CNIH3: variants seen among roughly 807,000 people sequenced by gnomAD.
CNIH3 encodes the protein protein cornichon homolog 3.
CNIH3 carries 14 observed loss-of-function variants against 24.1 expected under a neutral mutation model. That is an observed-to-expected ratio of 0.58 (90% confidence interval 0.38 to 0.91). CNIH3 has a LOEUF of 0.91. Ranked by LOEUF, CNIH3 falls within the 40% of genes least tolerant of loss-of-function variation. The probability of loss-of-function intolerance (pLI) is 0.00; values close to 1 mark genes in which losing one functional copy is unlikely to be tolerated. For missense variants in CNIH3, 178 were observed against 196.8 expected (o/e 0.90, Z 0.57); for synonymous variants, 68 against 73.8 (o/e 0.92, Z 0.40).
chr1:224,708,596 A>G (rs1687952483), intron 3 of CNIH3, among the ~76,000 whole-genome samples: 3 of 152,138 alleles, frequency 2.0e-5, no homozygotes, highest in Non-Finnish European at 1.5e-5. Flanking sequence ...GAAGGTCACC[A>G]ATGACGTCCC....
chr1:224,577,172 A>G (rs893388389), intron 4 of CNIH3, among the ~76,000 whole-genome samples: 1 of 152,222 alleles, frequency 6.6e-6, no homozygotes, highest in African/African-American at 2.4e-5. Context: ...TCATGAACCC[A>G]AAAGCAAATG....
chr1:224,547,006 G>A, intron 3 of CNIH3: 1 of 644,108 alleles, frequency 1.6e-6, no homozygotes, highest in Non-Finnish European at 1.9e-6. Flanking sequence ...GTAGTGGTAA[G>A]ATGGGTGAGT....
chr1:224,663,252 G>A (rs61674651), intron 1 of CNIH3, among the ~76,000 whole-genome samples: 3,166 of 152,162 alleles, frequency 0.021, 91 homozygotes, highest in African/African-American at 0.07. Flanking sequence ...GGGTATGGCC[G>A]TAGACTTTCC....
At chr1:224,706,958 C>CTT (rs71170031) in intron 3 of CNIH3, among the ~76,000 whole-genome samples, 474 of 81,576 alleles carry the variant, frequency 5.8e-3, no homozygotes, top group Middle Eastern at 9.6e-3. Flanking sequence ...TCCTTTCTTT[C>CTT]TTTTTTTTTT....
chr1:224,715,356 C>G (rs937152291), intron 3 of CNIH3, among the ~76,000 whole-genome samples: 3 of 152,054 alleles, frequency 2.0e-5, no homozygotes, highest in Non-Finnish European at 2.9e-5. Context: ...GGTTGGTGAC[C>G]GCAAGGACTG....
intron 4 of CNIH3, among the ~76,000 whole-genome samples, chr1:224,576,311 T>TA (rs1303961604): frequency 1.3e-5 from 2 of 152,194 alleles, no homozygotes; most frequent in Admixed American, 6.5e-5. Flanking sequence ...TAGTTCCTTT[T>TA]AAAAAAAGTT....
Position 224,626,818 on chromosome 1 carries a change from T to C in CNIH3, c.81+9563T>C, listed in dbSNP as rs534817867. ...CTTTATTGCACCGTAGATATGTCTA[T>C]TTATTCTTTCTACAAGCAGAGCCTT... On this transcript the variant is annotated intron_variant, in intron 1 of 5. Transcript: ENST00000272133. Among the ~76,000 whole-genome samples, 3 of 152,308 alleles carry C rather than the reference T, an allele frequency of 2.0e-5. No homozygotes were observed. In the South Asian group the frequency reaches 6.2e-4, roughly 32 times the overall value.
At chr1:224,732,389 A>G (rs1689384457) in intron 4 of CNIH3, among the ~76,000 whole-genome samples, 2 of 152,230 alleles carry the variant, frequency 1.3e-5, no homozygotes, top group Admixed American at 6.5e-5. Context: ...GAGAAGCCTC[A>G]CTTTAAGTAA....
chr1:224,588,426 G>A (rs1681601695), exon 6 of CNIH3: 1 of 152,158 alleles, frequency 6.6e-6, no homozygotes, highest in South Asian at 2.1e-4. Flanking sequence ...AGCTCATGGA[G>A]CAAGGAGGAC....
intron 3 of CNIH3, among the ~76,000 whole-genome samples, chr1:224,559,449 T>C (rs1338876830): frequency 6.6e-6 from 1 of 152,178 alleles, no homozygotes; most frequent in Non-Finnish European, 1.5e-5. Flanking sequence ...ATTGTAACCC[T>C]GTACTCATGG....
chr1:224,679,548 G>A (rs1301880897), intron 1 of CNIH3, among the ~76,000 whole-genome samples: 2 of 152,188 alleles, frequency 1.3e-5, no homozygotes, highest in African/African-American at 2.4e-5. Flanking sequence ...AGTGGAATGA[G>A]CATCTTCAGT....
Position 224,444,035 on chromosome 1 carries a change from T to C in CNIH3, n.203+9173T>C, listed in dbSNP as rs75899194. Among the ~76,000 whole-genome samples, 1,469 of 152,266 alleles carry C rather than the reference T, an allele frequency of 9.6e-3. 9 individuals are homozygous for C. Among genetic ancestry groups the C allele is most frequent in the Non-Finnish European group, 0.015 (1,034 of 68,016 alleles). ...AACATACATAAAGGTAAAGAAATGG[T>C]GTAGCAATTCCCATGTCCCCACCAT... On this transcript the variant is annotated intron_variant and non_coding_transcript_variant, in intron 1 of 5. Coordinates refer to the CNIH3 transcript ENST00000471578.
At chr1:224,721,112 C>T (rs905010197) in intron 3 of CNIH3, among the ~76,000 whole-genome samples, 4 of 152,080 alleles carry the variant, frequency 2.6e-5, no homozygotes, top group African/African-American at 4.8e-5. Flanking sequence ...CTCTGGCTTC[C>T]GTGTTTGTTG....
At chr1:224,520,665 G>A (rs1678587463) in intron 1 of CNIH3, among the ~76,000 whole-genome samples, 1 of 152,232 alleles carries the variant, frequency 6.6e-6, no homozygotes, top group Non-Finnish European at 1.5e-5. Context: ...TGCATAGCTT[G>A]TGTTCCTTTT....
chr1:224,730,054 A>T (rs1290962630), intron 3 of CNIH3, among the ~76,000 whole-genome samples: 1 of 152,218 alleles, frequency 6.6e-6, no homozygotes, highest in African/African-American at 2.4e-5. Context: ...CAGGGGCCAG[A>T]AAAACAAGAG....
At chr1:224,657,474 C>G (rs967326343) in intron 1 of CNIH3, among the ~76,000 whole-genome samples, 4 of 151,954 alleles carry the variant, frequency 2.6e-5, no homozygotes, top group Non-Finnish European at 5.9e-5. Context: ...TTATTTTACT[C>G]AATTGTTAAA....
At chr1:224,446,283 A>C (rs1675163783) in intron 1 of CNIH3, among the ~76,000 whole-genome samples, 1 of 147,856 alleles carries the variant, frequency 6.8e-6, no homozygotes, top group African/African-American at 2.5e-5. Context: ...TAAAGTATAG[A>C]CTCATCAATT....
At chr1:224,577,556 A>T (rs978356228) in intron 4 of CNIH3, among the ~76,000 whole-genome samples, 6 of 152,180 alleles carry the variant, frequency 3.9e-5, no homozygotes, top group Non-Finnish European at 1.5e-5. Flanking sequence ...AATAAAAAAA[A>T]AATAACAGAT....
chr1:224,580,793 G>A (rs141976819), intron 4 of CNIH3, among the ~76,000 whole-genome samples: 2 of 147,930 alleles, frequency 1.4e-5, no homozygotes, highest in Admixed American at 1.3e-4. Context: ...ATGACAGAGC[G>A]AGACTCTGTC....
Sources: allele counts gnomAD v4.1 joint callset (sites outside exome capture counted in the v4.1 genomes callset), GRCh38; gene constraint gnomAD v4.1.1; transcripts MANE v1.5; gene names NCBI Gene and HGNC (gene_info 2026-07-23, HGNC 2026-07-21).